The following PCDH11X variants were observed in gnomAD, a reference collection of about 807,000 sequenced individuals.
The protein encoded by PCDH11X is protocadherin 11 X-linked, also known as protocadherin-11 X-linked.
PCDH11X carries 18 observed loss-of-function variants against 53.3 expected under a neutral mutation model. The observed-to-expected ratio is 0.34, with a 90% confidence interval of 0.23 to 0.50. The LOEUF (loss-of-function observed/expected upper bound fraction) is 0.50, where lower values mean the gene tolerates loss of function less well. PCDH11X is among the 20% of genes least tolerant of loss of function. The pLI is 0.98. For missense variants in PCDH11X, 570 were observed against 1,032.4 expected (o/e 0.55, Z 6.14); for synonymous variants, 279 against 393.3 (o/e 0.71, Z 3.44).
intron 6 of PCDH11X, among the ~76,000 whole-genome samples, chrX:92,061,679 A>G: frequency 9.1e-6 from 1 of 110,007 alleles, no homozygotes; most frequent in East Asian, 2.9e-4. Context: ...TGCCAGTACC[A>G]TGATGTTTTA....
At chrX:92,518,771 T>TA (rs2074315183) in intron 10 of PCDH11X, among the ~76,000 whole-genome samples, 1 of 95,824 alleles carries the variant, frequency 1.0e-5, no homozygotes, top group African/African-American at 3.8e-5. Flanking sequence ...TTTTTTTTTT[T>TA]TTTGAGACGG....
In PCDH11X at chrX:91,945,186, A is replaced by C. The variant is rs2061559081; in HGVS notation, c.3033+65913A>C. ...GAGGTTTAGATTAAAGAAAAATATT[A>C]TTCGGGTATGAGATGAAAGCTATAT... On this transcript the variant is annotated intron_variant, in intron 6 of 10. Transcript: ENST00000682573. Among the ~76,000 whole-genome samples the C allele has an allele frequency of 5.7e-5, 6 of 104,719 alleles. No homozygotes were observed. The South Asian group carries it at 2.6e-3, about 45-fold the overall frequency. The allele number at this position is 104,719 out of a possible 115,157, so 90.9% of individuals were successfully genotyped here.
chrX:92,365,360 T>A (rs2070446772), intron 8 of PCDH11X, among the ~76,000 whole-genome samples: 1 of 110,048 alleles, frequency 9.1e-6, no homozygotes. Context: ...GTGTTATACT[T>A]TTATACCACT....
At chrX:91,839,326 A>G (rs1474478686) in intron 5 of PCDH11X, among the ~76,000 whole-genome samples, 1 of 109,297 alleles carries the variant, frequency 9.1e-6, no homozygotes, top group Non-Finnish European at 1.9e-5. Flanking sequence ...TGAAAGAAAG[A>G]AAAAAGACTG....
chrX:91,902,129 A>G (rs1299663437), intron 6 of PCDH11X, among the ~76,000 whole-genome samples: 1 of 111,701 alleles, frequency 9.0e-6, no homozygotes, highest in Non-Finnish European at 1.9e-5. Context: ...ATAAAAAACA[A>G]ATGAAAGAAA....
chrX:92,423,010 G>A (rs985051941), intron 9 of PCDH11X, among the ~76,000 whole-genome samples: 16 of 107,222 alleles, frequency 1.5e-4, no homozygotes, highest in Admixed American at 4.0e-4. Flanking sequence ...CACAAGGCCC[G>A]GCTAATTATT....
At chrX:91,989,215 A>G (rs1336413327) in intron 6 of PCDH11X, among the ~76,000 whole-genome samples, 4 of 110,019 alleles carry the variant, frequency 3.6e-5, no homozygotes, top group Non-Finnish European at 7.6e-5. Flanking sequence ...AAAAAAAGCT[A>G]CTGTCATTGG....
chrX:91,982,870 C>G, intron 6 of PCDH11X: 1 of 907,286 alleles, frequency 1.1e-6, no homozygotes, highest in Non-Finnish European at 1.6e-6. Context: ...CTGTTTCCTG[C>G]TGTCCAGGTG....
chrX:92,237,434 A>C (rs1336040394), intron 7 of PCDH11X, among the ~76,000 whole-genome samples: 1 of 110,871 alleles, frequency 9.0e-6, no homozygotes, highest in Non-Finnish European at 1.9e-5. Context: ...ACTCATCTGT[A>C]AAATGGGACA....
At chrX:91,834,887 C>T (rs1477293471) in intron 4 of PCDH11X, 1 of 527,323 alleles carries the variant, frequency 1.9e-6, no homozygotes, top group Non-Finnish European at 2.3e-6. Context: ...AACCCCTCTC[C>T]TCTCCCAAAC....
chrX:92,215,683 C>T (rs1603194297), intron 7 of PCDH11X, among the ~76,000 whole-genome samples: 2 of 100,977 alleles, frequency 2.0e-5, no homozygotes, highest in African/African-American at 7.1e-5. Flanking sequence ...CCCTGTCTGA[C>T]AGCTTTGAAG....
intron 6 of PCDH11X, among the ~76,000 whole-genome samples, chrX:92,068,609 G>A (rs1419400698): frequency 1.8e-5 from 2 of 109,790 alleles, no homozygotes; most frequent in South Asian, 4.0e-4. Flanking sequence ...GTGTGATCTC[G>A]GCTTACTGCA....
At chrX:92,589,083 G>A (rs766700527) in intron 10 of PCDH11X, among the ~76,000 whole-genome samples, 6 of 111,632 alleles carry the variant, frequency 5.4e-5, no homozygotes, top group African/African-American at 1.9e-4. Flanking sequence ...TTCTACCCTA[G>A]AATAGTATGT....
At chrX:92,374,281 C>G (rs998183951) in intron 8 of PCDH11X, among the ~76,000 whole-genome samples, 1 of 101,529 alleles carries the variant, frequency 9.8e-6, no homozygotes, top group Non-Finnish European at 2.0e-5. Context: ...ATAATGCAAC[C>G]CTTTAAAAAA....
In PCDH11X at chrX:92,033,045, G is replaced by A. The variant is rs1307007644; in HGVS notation, c.3033+153772G>A. On this transcript the variant is annotated intron_variant, in intron 6 of 10. Transcript: ENST00000682573. Reference sequence around the variant, plus strand: ...TGGTCTTGAACTCCTGGGCTCAAGCGATCTGCTCACCTCAGCCTCCCAAAG... The same window carrying A: ...TGGTCTTGAACTCCTGGGCTCAAGCAATCTGCTCACCTCAGCCTCCCAAAG... Among the ~76,000 whole-genome samples, 16 of 107,199 alleles carry A rather than the reference G, an allele frequency of 1.5e-4. 1 individual carries two copies. In the Admixed American group the frequency reaches 1.6e-3, roughly 11 times the overall value. The allele number at this position is 107,199 out of a possible 115,157, so 93.1% of individuals were successfully genotyped here. A position where few individuals can be genotyped will look rare whatever the true frequency, so the allele number is the denominator to read the frequency against.
chrX:92,520,303 C>T (rs1368743322), intron 10 of PCDH11X, among the ~76,000 whole-genome samples: 1 of 105,875 alleles, frequency 9.4e-6, no homozygotes. Context: ...TGTGCAAGAG[C>T]ATTATGTCTT....
chrX:92,473,746 T>C (rs1391542294), intron 10 of PCDH11X, among the ~76,000 whole-genome samples: 1 of 110,975 alleles, frequency 9.0e-6, no homozygotes, highest in Admixed American at 9.6e-5. Flanking sequence ...TCTATGTGAG[T>C]GTATGGTTTC....
At chrX:92,027,378 C>T (rs1298209582) in intron 6 of PCDH11X, among the ~76,000 whole-genome samples, 3 of 111,174 alleles carry the variant, frequency 2.7e-5, no homozygotes, top group African/African-American at 6.5e-5. Flanking sequence ...GCTATCTAGA[C>T]GTCAAATAAT....
intron 6 of PCDH11X, among the ~76,000 whole-genome samples, chrX:92,134,279 G>T (rs778158377): frequency 1.5e-4 from 17 of 109,792 alleles, no homozygotes; most frequent in Middle Eastern, 4.6e-3. Flanking sequence ...CGTTTTTTTT[G>T]TTTGTTTGTT....
Sources: gnomAD v4.1 joint callset for allele counts (sites outside exome capture counted in the v4.1 genomes callset) on GRCh38, gnomAD v4.1.1 for gene constraint, MANE v1.5 for transcripts, NCBI Gene and HGNC (gene_info 2026-07-23, HGNC 2026-07-21) for gene names.